Variants in ANK3 observed in about 807,000 individuals in gnomAD.
ANK3 encodes ankyrin 3.
A neutral mutation model predicts 370.9 loss-of-function variants in ANK3; 57 were observed. The observed-to-expected ratio is 0.15, with a 90% confidence interval of 0.12 to 0.19. ANK3 has a LOEUF of 0.19. Among genes scored for constraint, ANK3 ranks in the 10% least tolerant of loss-of-function variants. ANK3 has a pLI of 1.00. For missense variants in ANK3, 4,439 were observed against 5,302.1 expected (o/e 0.84, Z 5.06); for synonymous variants, 1,929 against 1,946.3 (o/e 0.99, Z 0.23).
chr10:60,172,636 A>G (rs2095822881), intron 20 of ANK3, among the ~76,000 whole-genome samples: 2 of 152,220 alleles, frequency 1.3e-5, no homozygotes, highest in Non-Finnish European at 2.9e-5. Context: ...TAAGCAATCA[A>G]TGAAACCAAC....
intron 2 of ANK3, among the ~76,000 whole-genome samples, chr10:60,468,142 G>A (rs751776282): frequency 1.2e-4 from 18 of 151,802 alleles, no homozygotes; most frequent in Middle Eastern, 3.4e-3. Flanking sequence ...GCACCACCAC[G>A]CCCAGCTAAT....
intron 28 of ANK3, among the ~76,000 whole-genome samples, chr10:60,092,377 T>A (rs77145295): frequency 9.1e-4 from 139 of 152,252 alleles, no homozygotes; most frequent in African/African-American, 3.3e-3. Context: ...TTATTTCAAA[T>A]AGAAACTTGT....
At chr10:60,105,691 A>G (rs11593565) in intron 28 of ANK3, among the ~76,000 whole-genome samples, 5,674 of 152,324 alleles carry the variant, frequency 0.037, 172 homozygotes, top group Non-Finnish European at 0.058. Flanking sequence ...GGAATCATCA[A>G]AATACTTATA....
intron 1 of ANK3, among the ~76,000 whole-genome samples, chr10:60,285,904 T>C (rs1220838305): frequency 2.6e-5 from 4 of 152,166 alleles, no homozygotes; most frequent in African/African-American, 7.2e-5. Flanking sequence ...AATCTTGGTG[T>C]AACTCTCTGA....
At chr10:60,389,389 T>C in intron 1 of ANK3, 36 bp downstream of exon 1, 2 of 1,588,792 alleles carry the variant, frequency 1.3e-6, no homozygotes, top group African/African-American at 1.4e-5. Flanking sequence ...ACAAAAAGAA[T>C]CCAGGCAAGA....
intron 13 of ANK3, among the ~76,000 whole-genome samples, chr10:60,198,905 C>T (rs1337226980): frequency 6.6e-6 from 1 of 152,168 alleles, no homozygotes. Context: ...TATACCTCCA[C>T]ACCAGTTATT....
rs555855695 is a variant in ANK3 at position 60,359,637 on chromosome 10, TA to T, written c.114+29787del. 1.7e-3 allele frequency among the ~76,000 whole-genome samples: 255 copies of T among 152,288 alleles called. 3 individuals are homozygous for T. Among genetic ancestry groups the T allele is most frequent in the African/African-American group, 5.4e-3 (224 of 41,564 alleles). On this transcript the variant is annotated intron_variant, in intron 1 of 43. Transcript: ENST00000280772. Reference sequence around the variant, plus strand: ...CTAATTGGTCTTTTAAAAATCCCTTTAAAAACAAAGCTATTTGGGCCAGTTG... The same window carrying T: ...CTAATTGGTCTTTTAAAAATCCCTTTAAAACAAAGCTATTTGGGCCAGTTG...
intron 2 of ANK3, among the ~76,000 whole-genome samples, chr10:60,494,764 TG>T (rs2075611254): frequency 6.6e-6 from 1 of 152,180 alleles, no homozygotes. Context: ...TCTGGGAACA[TG>T]ATTTGATTTT....
chr10:60,726,526 T>G (rs1238441419), intron 1 of ANK3, among the ~76,000 whole-genome samples: 1 of 152,192 alleles, frequency 6.6e-6, no homozygotes, highest in African/African-American at 2.4e-5. Flanking sequence ...AGCTGCTTCA[T>G]CTCCATTTTA....
intron 2 of ANK3, among the ~76,000 whole-genome samples, chr10:60,474,038 C>G (rs945839905): frequency 1.9e-4 from 28 of 149,046 alleles, no homozygotes; most frequent in Admixed American, 4.7e-4. Context: ...GAGGCTGAGG[C>G]GGGAGGATTG....
chr10:60,076,508 CAGAG>C, intron 36 of ANK3, 60 bp from the exon 37 acceptor site: 2 of 1,497,432 alleles, frequency 1.3e-6, no homozygotes, highest in Non-Finnish European at 1.8e-6. Flanking sequence ...GGTTGAGAAA[CAGAG>C]AGACCAGAGA....
At chr10:60,212,213 A>G (rs2096868517) in intron 9 of ANK3, among the ~76,000 whole-genome samples, 1 of 152,200 alleles carries the variant, frequency 6.6e-6, no homozygotes, top group Admixed American at 6.5e-5. Flanking sequence ...GCTCTGAGAA[A>G]ATGAAAATCA....
At chr10:60,471,894 C>T (rs985060531) in intron 2 of ANK3, among the ~76,000 whole-genome samples, 1 of 151,856 alleles carries the variant, frequency 6.6e-6, no homozygotes, top group African/African-American at 2.4e-5. Context: ...CTTTCCTATA[C>T]CGCAAATAAA....
At chr10:60,083,441 A>G (rs753268064) in intron 33 of ANK3, 51 bp downstream of exon 33, 25 of 1,552,114 alleles carry the variant, frequency 1.6e-5, no homozygotes, top group Non-Finnish European at 2.1e-5. Context: ...TTTATTCTCT[A>G]AGAGTATTTT....
chr10:60,103,678 T>C (rs576712223), intron 28 of ANK3, among the ~76,000 whole-genome samples: 2 of 152,314 alleles, frequency 1.3e-5, no homozygotes, highest in Admixed American at 1.3e-4. Context: ...AGAAAATCTG[T>C]GCCTTGAAAA....
rs761500975 is a variant in ANK3, at chr10:60,076,295, G to C, written c.4586C>G (p.Ser1529Cys). The C allele has an allele frequency of 3.7e-6, 6 of 1,614,004 alleles. No homozygotes were observed. The East Asian group carries it at 1.1e-4, about 30-fold the overall frequency. The change falls in exon 37 of 44, where the codon TCT (serine) becomes TGT (cysteine). Residue 1529 changes from serine to cysteine, a missense_variant. By Grantham distance (112) the Ser-to-Cys change is moderately radical. Coordinates refer to ENST00000280772, the MANE Select transcript of ANK3 (RefSeq NM_020987.5). ...SGFTSLSSSS[S>C]NTPSASPLKS... The stretch of plus-strand genomic sequence containing the variant: ...TAACGGAGAAGCTGATGGCGTATTA[G>C]AGGAAGAACTTGATAAGGAAGTGAA...
At chr10:60,224,057 C>G (rs576702167) in intron 8 of ANK3, among the ~76,000 whole-genome samples, 189 of 151,868 alleles carry the variant, frequency 1.2e-3, no homozygotes, top group Non-Finnish European at 2.0e-3. Context: ...AGTTTTTCAA[C>G]TGCATAGAAT....
chr10:60,221,137 T>C (rs1157033914), intron 8 of ANK3, among the ~76,000 whole-genome samples: 6 of 150,318 alleles, frequency 4.0e-5, no homozygotes, highest in Non-Finnish European at 5.9e-5. Flanking sequence ...TGGAGAGCAA[T>C]AGTGTGATCT....
At chr10:60,339,559 T>C (rs1566701222) in intron 1 of ANK3, among the ~76,000 whole-genome samples, 1 of 152,202 alleles carries the variant, frequency 6.6e-6, no homozygotes, top group Non-Finnish European at 1.5e-5. Flanking sequence ...ACTTTATCAG[T>C]CTATCACTTG....
Sources: gnomAD v4.1 joint callset for allele counts (sites outside exome capture counted in the v4.1 genomes callset) on GRCh38, gnomAD v4.1.1 for gene constraint, MANE v1.5 for transcripts, NCBI Gene and HGNC (gene_info 2026-07-23, HGNC 2026-07-21) for gene names.